Variants in ELF2 observed in about 807,000 individuals in gnomAD.
ELF2 encodes the protein ETS-related transcription factor Elf-2.
A neutral mutation model predicts 54.8 loss-of-function variants in ELF2; 11 were observed. The ratio of observed to expected loss-of-function variants is 0.20; its 90% CI spans 0.13 to 0.33. The LOEUF (loss-of-function observed/expected upper bound fraction) is 0.33, where lower values mean the gene tolerates loss of function less well. Ranked by LOEUF, ELF2 falls within the 10% of genes least tolerant of loss-of-function variation. The probability of loss-of-function intolerance (pLI) is 1.00; values close to 1 mark genes in which losing one functional copy is unlikely to be tolerated. For synonymous variants in ELF2, 203 were observed against 245.1 expected, an observed-to-expected ratio of 0.83 and a Z score of 1.61; for missense variants, 513 against 703.0, an observed-to-expected ratio of 0.73 and a Z score of 3.06.
intron 4 of ELF2, chr4:139,084,462 CTGTGGCTGT>C (rs1356598924): frequency 2.7e-6 from 3 of 1,127,786 alleles, no homozygotes; most frequent in African/African-American, 1.6e-5. Context: ...GCGGCGGCGG[CTGTGGCTGT>C]GGCGGCCGCC....
rs564758242 is a variant in ELF2 at position 139,169,780 on chromosome 4, C to G, written c.-252+7187G>C. Among the ~76,000 whole-genome samples the G allele has an allele frequency of 1.8e-4, 28 of 151,486 alleles. No individual in the cohort carries two copies. The South Asian group carries it at 2.1e-3, about 11-fold the overall frequency. ...GCTGAGGCAGGAGAATGGCGTGAAC[C>G]CGGGAGGCGGAGCTTGCCATAAACT... On this transcript the variant is annotated intron_variant, in intron 1 of 9. Coordinates refer to ENST00000686138, the MANE Select transcript of ELF2 (RefSeq NM_001331036.3).
chr4:139,165,937 T>C (rs1176813852), intron 1 of ELF2, among the ~76,000 whole-genome samples: 3 of 152,244 alleles, frequency 2.0e-5, no homozygotes, highest in Non-Finnish European at 2.9e-5. Flanking sequence ...ATATATTACA[T>C]GCCACAAAAA....
At chr4:139,174,106 G>A (rs963050454) in intron 1 of ELF2, among the ~76,000 whole-genome samples, 2 of 148,978 alleles carry the variant, frequency 1.3e-5, no homozygotes, top group Admixed American at 6.7e-5. Context: ...TGTGGCATGC[G>A]CCTGTGGCAG....
intron 4 of ELF2, chr4:139,102,254 G>A (rs1443490661): frequency 2.6e-5 from 4 of 152,040 alleles, no homozygotes; most frequent in Non-Finnish European, 5.9e-5. Context: ...CGGGCGCAGT[G>A]GCTCACGCCT....
intron 4 of ELF2, among the ~76,000 whole-genome samples, chr4:139,116,375 A>T (rs889258339): frequency 2.6e-4 from 40 of 152,098 alleles, no homozygotes; most frequent in African/African-American, 8.7e-4. Context: ...AAAAAAAAAA[A>T]TGACTTAAAG....
At position 139,071,771 on chromosome 4, in the gene ELF2, C is replaced by G. The variant is rs1729542573; in HGVS notation, c.526+95G>C. On this transcript the variant is annotated intron_variant, in intron 6 of 9. Transcript: ENST00000686138. ...GGTTAAGATAACATCAATCTTAAAT[C>G]TACAGCATATACTACTTTCTATGTC... 15 of 1,156,230 alleles carry G rather than the reference C, an allele frequency of 1.3e-5. No homozygotes were observed. In the South Asian group the frequency reaches 2.3e-4, roughly 18 times the overall value. 71.6% of individuals were successfully genotyped at this position (1,156,230 alleles called of 1,614,324 possible). A position where few individuals can be genotyped will look rare whatever the true frequency, so the allele number is the denominator to read the frequency against.
At chr4:139,171,292 T>C (rs1431964776) in intron 1 of ELF2, among the ~76,000 whole-genome samples, 2 of 151,758 alleles carry the variant, frequency 1.3e-5, no homozygotes, top group Non-Finnish European at 2.9e-5. Context: ...TCCCAACTAC[T>C]CAGGAGGCTG....
chr4:139,081,325 C>T (rs1335542934), intron 4 of ELF2, among the ~76,000 whole-genome samples: 2 of 152,046 alleles, frequency 1.3e-5, no homozygotes, highest in African/African-American at 4.8e-5. Flanking sequence ...TACTTAACAC[C>T]TCAAAAGGAA....
intron 6 of ELF2, among the ~76,000 whole-genome samples, chr4:139,071,139 C>G (rs1031614676): frequency 6.6e-6 from 1 of 152,094 alleles, no homozygotes; most frequent in African/African-American, 2.4e-5. Flanking sequence ...TGGAAATGCT[C>G]TTTACCCACT....
chr4:139,092,414 T>TACATAACATAACATAACATA (rs1553959669), intron 4 of ELF2, among the ~76,000 whole-genome samples: 10 of 87,762 alleles, frequency 1.1e-4, no homozygotes, highest in African/African-American at 3.9e-4. Flanking sequence ...TAACATAACA[T>TACATAACATAACATAACATA]ACATAACATA....
At chr4:139,176,360 C>A (rs1449333346) in intron 1 of ELF2, among the ~76,000 whole-genome samples, 1 of 151,718 alleles carries the variant, frequency 6.6e-6, no homozygotes, top group East Asian at 1.9e-4. Flanking sequence ...TAAGCGGCGG[C>A]GATAAGGCAC....
intron 4 of ELF2, among the ~76,000 whole-genome samples, chr4:139,083,896 G>A (rs1028600234): frequency 3.3e-5 from 5 of 152,192 alleles, no homozygotes; most frequent in Admixed American, 1.3e-4. Flanking sequence ...GCTGCTCGCC[G>A]AACCCACCCT....
At chr4:139,084,410 A>AGGGGCAGGGG in intron 4 of ELF2, 16 of 1,298,918 alleles carry the variant, frequency 1.2e-5, no homozygotes, top group Non-Finnish European at 1.2e-5. Context: ...CCACCACCTA[A>AGGGGCAGGGG]CGGCAGGGGC....
intron 4 of ELF2, chr4:139,115,389 C>G: frequency 9.8e-7 from 1 of 1,019,748 alleles, no homozygotes; most frequent in Non-Finnish European, 1.2e-6. Context: ...GCCGCCGGGG[C>G]CACGTGCGCG....
chr4:139,141,752 A>T (rs140508916), intron 1 of ELF2, among the ~76,000 whole-genome samples: 4 of 152,284 alleles, frequency 2.6e-5, no homozygotes, highest in African/African-American at 9.6e-5. Context: ...CTCTCTGGTC[A>T]ACCCTTACAG....
chr4:139,160,315 CTAT>C (rs560534316), intron 1 of ELF2, among the ~76,000 whole-genome samples: 73 of 152,342 alleles, frequency 4.8e-4, no homozygotes, highest in Non-Finnish European at 9.1e-4. Flanking sequence ...CTCAGACCTA[CTAT>C]GTTAACTCTT....
intron 6 of ELF2, among the ~76,000 whole-genome samples, chr4:139,068,158 C>G (rs1348871970): frequency 1.3e-5 from 2 of 152,046 alleles, no homozygotes; most frequent in Non-Finnish European, 1.5e-5. Flanking sequence ...GTAGTTGGGA[C>G]TACAGGCGCC....
chr4:139,131,592 G>A (rs1487453338), intron 3 of ELF2, among the ~76,000 whole-genome samples: 6 of 152,138 alleles, frequency 3.9e-5, no homozygotes, highest in Middle Eastern at 3.4e-3. Flanking sequence ...TTTCTCTTTC[G>A]AGGTAGAGTA....
In ELF2 at chr4:139,134,385, G is replaced by C. The variant is rs1737878817; in HGVS notation, c.72+3245C>G. ...GCTTTTTTGTGTTTTCATTGTTTTT[G>C]TTTGTTTGTCACCCAGGCTGGAGTG... On this transcript the variant is annotated intron_variant, in intron 3 of 9. Transcript: ENST00000686138. 2.0e-5 allele frequency among the ~76,000 whole-genome samples: 3 copies of C among 151,314 alleles called. No homozygotes were observed. In the South Asian group the frequency reaches 6.3e-4, roughly 32 times the overall value.
Sources: gnomAD v4.1 joint callset for allele counts (sites outside exome capture counted in the v4.1 genomes callset) on GRCh38, gnomAD v4.1.1 for gene constraint, MANE v1.5 for transcripts, NCBI Gene and HGNC (gene_info 2026-07-23, HGNC 2026-07-21) for gene names.